BLTP2: variants seen among roughly 807,000 people sequenced by gnomAD.
BLTP2 encodes the protein bridge-like lipid transfer protein family member 2, also known as U937-associated antigen.
the BLTP2 span, among the ~76,000 whole-genome samples, chr17:28,627,559 A>G: frequency 1.3e-5 from 2 of 152,080 alleles, no homozygotes; most frequent in Non-Finnish European, 2.9e-5. Context: ...AGCACCCGCC[A>G]CCATGCACGG....
chr17:28,620,864 G>A, the BLTP2 span: 4 of 1,026,270 alleles, frequency 3.9e-6, no homozygotes, highest in African/African-American at 6.4e-5. Context: ...GTAGAGCAAA[G>A]TGAAATGTTA....
chr17:28,641,840 CA>C, the BLTP2 span: 2 of 1,532,824 alleles, frequency 1.3e-6, no homozygotes, highest in African/African-American at 2.8e-5. Context: ...ACTTCCAAAA[CA>C]AACCCTGAGA....
chr17:28,614,950 TG>T, the BLTP2 span: 1 of 960,498 alleles, frequency 1.0e-6, no homozygotes, highest in Non-Finnish European at 1.6e-6. Context: ...GTGATGCCTA[TG>T]GGCTCTGACA....
the BLTP2 span, among the ~76,000 whole-genome samples, chr17:28,622,272 C>T: frequency 6.6e-6 from 1 of 152,176 alleles, no homozygotes; most frequent in Non-Finnish European, 1.5e-5. Context: ...TGAACCACAG[C>T]TCTTATATAT....
At chr17:28,619,806 G>A in the BLTP2 span, 114 of 1,613,602 alleles carry the variant, frequency 7.1e-5, no homozygotes, top group Non-Finnish European at 4.6e-5. Flanking sequence ...CTGAGAGACC[G>A]CCCTCGTTCT....
the BLTP2 span, among the ~76,000 whole-genome samples, chr17:28,630,465 GTTTTTTTT>G: frequency 1.1e-5 from 1 of 93,010 alleles, no homozygotes; most frequent in Non-Finnish European, 2.0e-5. Flanking sequence ...AGCCCCCACT[GTTTTTTTT>G]TTTTTTTTTT....
At chr17:28,642,479 A>G in the BLTP2 span, 1 of 673,776 alleles carries the variant, frequency 1.5e-6, no homozygotes, top group Non-Finnish European at 2.6e-6. Context: ...GTGAAACCTC[A>G]TCTCTACTAA....
chr17:28,639,180 C>T, the BLTP2 span: 1 of 842,258 alleles, frequency 1.2e-6, no homozygotes, highest in Non-Finnish European at 2.0e-6. Context: ...ATATATAAAA[C>T]AGGATTGCTG....
chr17:28,635,319 A>ACT, the BLTP2 span: 1 of 1,613,930 alleles, frequency 6.2e-7, no homozygotes. Context: ...TCAGTGACAC[A>ACT]CTCTCTGCAG....
chr17:28,619,043 T>G, the BLTP2 span: 1 of 1,254,894 alleles, frequency 8.0e-7, no homozygotes, highest in Non-Finnish European at 1.1e-6. Context: ...TAGAATGCTC[T>G]AGAATGATGC....
the BLTP2 span, chr17:28,618,742 C>T: frequency 4.0e-6 from 6 of 1,494,300 alleles, no homozygotes; most frequent in East Asian, 2.3e-5. Flanking sequence ...TAAGCTAGGT[C>T]AATGTCTCTC....
the BLTP2 span, chr17:28,631,423 G>T: frequency 6.7e-7 from 1 of 1,502,978 alleles, no homozygotes; most frequent in Non-Finnish European, 9.2e-7. Flanking sequence ...AGCCCAAGTA[G>T]GCTGAGATAC....
the BLTP2 span, chr17:28,638,689 C>A: frequency 1.3e-5 from 14 of 1,104,670 alleles, no homozygotes; most frequent in African/African-American, 2.2e-4. Context: ...AGAACTGCAG[C>A]TTCCTATCAT....
the BLTP2 span, chr17:28,620,733 AG>A: frequency 6.8e-6 from 9 of 1,315,272 alleles, no homozygotes; most frequent in Admixed American, 1.8e-4. Flanking sequence ...TCAACCCCAC[AG>A]AAAGGGTGAG....
chr17:28,633,990 G>C, the BLTP2 span: 1 of 1,614,116 alleles, frequency 6.2e-7, no homozygotes, highest in Non-Finnish European at 8.5e-7. Context: ...ACGCCGACGG[G>C]AGCAAGGCTG....
At chr17:28,643,748 G>T in the BLTP2 span, 4 of 1,307,996 alleles carry the variant, frequency 3.1e-6, no homozygotes, top group Non-Finnish European at 3.3e-6. Context: ...TGGATTATTA[G>T]AATTTCTCTT....
chr17:28,635,132 G>A, the BLTP2 span: 9 of 1,613,894 alleles, frequency 5.6e-6, no homozygotes, highest in South Asian at 1.1e-5. Flanking sequence ...CCGAAAGAGA[G>A]GAGCCAAACA....
At chr17:28,627,475 A>C in the BLTP2 span, among the ~76,000 whole-genome samples, 1 of 150,624 alleles carries the variant, frequency 6.6e-6, no homozygotes. Flanking sequence ...GGTGCGATCT[A>C]GGCTCACTGC....
the BLTP2 span, chr17:28,624,520 C>A: frequency 1.4e-6 from 1 of 704,566 alleles, no homozygotes; most frequent in Non-Finnish European, 2.2e-6. Context: ...CCTCCCAAAC[C>A]TAAAACTCTA....
Sources: gnomAD v4.1 joint callset for allele counts (sites outside exome capture counted in the v4.1 genomes callset) on GRCh38, gnomAD v4.1.1 for gene constraint, MANE v1.5 for transcripts, NCBI Gene and HGNC (gene_info 2026-07-23, HGNC 2026-07-21) for gene names.